Variants in TIMM22 observed in about 807,000 individuals in gnomAD.
The protein encoded by TIMM22 is mitochondrial import inner membrane translocase subunit Tim22.
TIMM22 carries 12 observed loss-of-function variants against 18.3 expected under a neutral mutation model. The observed-to-expected ratio is 0.65, with a 90% CI of 0.42 to 1.06. The LOEUF (loss-of-function observed/expected upper bound fraction) is 1.06, where lower values mean the gene tolerates loss of function less well. TIMM22 is among the 50% of genes least tolerant of loss of function. The probability of loss-of-function intolerance (pLI) is 0.00; values close to 1 mark genes in which losing one functional copy is unlikely to be tolerated. For synonymous variants in TIMM22, 107 were observed against 98.5 expected, an observed-to-expected ratio of 1.09 and a Z score of -0.51; for missense variants, 278 against 252.8, an observed-to-expected ratio of 1.10 and a Z score of -0.68.
In TIMM22 at chr17:1,001,083, C is replaced by T. The variant is rs753514221; in HGVS notation, c.580C>T (p.Arg194Trp). ...AFSAAIDYYL[R>W] is the part of the protein sequence containing the mutation. ...CTCTGCTGCGATTGATTATTACCTCCGGTGAGAGTAATTGCCTGCAGGGAA... is the reference window on the plus strand; with the variant it reads ...CTCTGCTGCGATTGATTATTACCTCTGGTGAGAGTAATTGCCTGCAGGGAA... Residue 194 changes from arginine to tryptophan, a missense_variant, in exon 4 of 4, where the codon CGG (arginine) becomes TGG (tryptophan). By Grantham distance (101) the Arg-to-Trp change is moderately radical. Transcript: ENST00000327158. 52 of 1,613,606 alleles carry T rather than the reference C, an allele frequency of 3.2e-5. No individual in the cohort carries two copies. Among genetic ancestry groups the T allele is most frequent in the African/African-American group, 1.1e-4 (8 of 74,900 alleles).
chr17:997,155 G>GC lies in TIMM22; in HGVS notation c.18dup (p.Asn7GlnfsTer8). ...GGCAGCGACTGTCATGGCGGCGGCC[G>GC]CCCCCAATGCCGGAGGCTCGGCCCC... On this transcript the variant is annotated frameshift_variant, in exon 1 of 4. Transcript: ENST00000327158. LOFTEE classifies it high-confidence loss of function. 1 of 1,608,044 alleles carries GC rather than the reference G, an allele frequency of 6.2e-7. No individual in the cohort carries two copies. The highest frequency in any genetic ancestry group is 2.2e-5 in the East Asian group (1 of 44,752).
In TIMM22 at chr17:1,002,734, C is replaced by G. The variant is rs1040602924; in HGVS notation, c.*1646C>G. On this transcript the variant is annotated 3_prime_UTR_variant, in exon 4 of 4. Coordinates refer to ENST00000327158, the MANE Select transcript of TIMM22 (RefSeq NM_013337.4). ...CTGAAGCAAGGGCAGACATTCCCAC[C>G]TGGTACCTGTCAAAGTCCTAGGATG... The G allele has an allele frequency of 2.0e-5, 3 of 152,288 alleles. No homozygotes were observed. The highest frequency in any genetic ancestry group is 7.2e-5 in the African/African-American group (3 of 41,554). 9.4% of individuals were successfully genotyped at this position (152,288 alleles called of 1,614,324 possible). A position where few individuals can be genotyped will look rare whatever the true frequency, so the allele number is the denominator to read the frequency against.
chr17:999,080 C>G (rs2069713806), intron 2 of TIMM22, 105 bp downstream of exon 2: 3 of 1,244,820 alleles, frequency 2.4e-6, no homozygotes, highest in Admixed American at 4.8e-5. Flanking sequence ...TACTAGAAAG[C>G]AAATCAGAAG....
chr17:1,002,031 C>T lies in TIMM22; in HGVS notation c.*943C>T, dbSNP rs1207823357. On this transcript the variant is annotated 3_prime_UTR_variant, in exon 4 of 4. Coordinates refer to ENST00000327158, the MANE Select transcript of TIMM22 (RefSeq NM_013337.4). ...AGCTACTGGCCAAGATCAGACGTCGCTGAGGGGCTGTTCACCACCATCCTC... is the reference window on the plus strand; with the variant it reads ...AGCTACTGGCCAAGATCAGACGTCGTTGAGGGGCTGTTCACCACCATCCTC... 6.6e-6 allele frequency: 1 copy of T among 152,146 alleles called. No individual in the cohort carries two copies. Among genetic ancestry groups the T allele is most frequent in the African/African-American group, 2.4e-5 (1 of 41,414 alleles). The allele number at this position is 152,146 out of a possible 1,614,324, so 9.4% of individuals were successfully genotyped here.
chr17:999,356 T>TATATATATATATATAC (rs1567539415), intron 2 of TIMM22, among the ~76,000 whole-genome samples, 156 bp from the exon 3 acceptor site: 1 of 113,896 alleles, frequency 8.8e-6, no homozygotes, highest in Non-Finnish European at 1.9e-5. Flanking sequence ...TATATATATA[T>TATATATATATATATAC]ATACACGCTG....
chr17:1,000,958 C>T (rs2069737970), intron 3 of TIMM22, 54 bp from the exon 4 acceptor site: 2 of 1,603,998 alleles, frequency 1.2e-6, no homozygotes, highest in Non-Finnish European at 1.7e-6. Flanking sequence ...CCGTGAGTGC[C>T]TCGTGACCCA....
At chr17:999,628 C>T (rs765608157) in intron 3 of TIMM22, 44 bp downstream of exon 3, 3 of 1,590,884 alleles carry the variant, frequency 1.9e-6, no homozygotes, top group African/African-American at 2.7e-5. Flanking sequence ...TGGCCTTGGA[C>T]AACGTGCTGA....
chr17:998,220 T>G (rs944303920), intron 1 of TIMM22, among the ~76,000 whole-genome samples: 1 of 152,200 alleles, frequency 6.6e-6, no homozygotes, highest in African/African-American at 2.4e-5. Context: ...TGAGAGGGCA[T>G]CCATCTGGAC....
Position 998,675 on chromosome 17 carries a change from C to G in TIMM22, c.239-104C>G, listed in dbSNP as rs2069709338. The G allele has an allele frequency of 3.1e-6, 4 of 1,275,964 alleles. No homozygotes were observed. In the East Asian group the frequency reaches 9.8e-5, roughly 31 times the overall value. 79.0% of individuals were successfully genotyped at this position (1,275,964 alleles called of 1,614,324 possible). On this transcript the variant is annotated intron_variant, in intron 1 of 3. Transcript: ENST00000327158. ...TTGAGTGGCAAGAGGGGGGTGTCCT[C>G]TGCACCGGTGGTCATCCAAAAGCAT...
chr17:1,001,579 G>GT lies in TIMM22; in HGVS notation c.*501dup, dbSNP rs199909189. 223 of 151,548 alleles carry GT rather than the reference G, an allele frequency of 1.5e-3. 2 individuals are homozygous for GT. Among genetic ancestry groups the GT allele is most frequent in the East Asian group, 0.012 (62 of 5,140 alleles). The allele number at this position is 151,548 out of a possible 1,614,324, so 9.4% of individuals were successfully genotyped here. ...ACTTGTTTTGTGTTCTGTCATCCTT[G>GT]TTTTTTTTTTAAAAATACACTCCCC... On this transcript the variant is annotated 3_prime_UTR_variant, in exon 4 of 4. Transcript: ENST00000327158.
At chr17:1,000,974 T>TA (rs1447778565) in intron 3 of TIMM22, 38 bp from the exon 4 acceptor site, 1 of 1,612,132 alleles carries the variant, frequency 6.2e-7, no homozygotes, top group Non-Finnish European at 8.5e-7. Flanking sequence ...ACCCAGCAGC[T>TA]GTCACCACAG....
rs1291519601 is a variant in TIMM22, at chr17:1,002,424, G to A, written c.*1336G>A. 3.3e-5 allele frequency: 5 copies of A among 152,176 alleles called. No individual in the cohort carries two copies. The highest frequency in any genetic ancestry group is 1.3e-4 in the Admixed American group (2 of 15,276). 9.4% of individuals were successfully genotyped at this position (152,176 alleles called of 1,614,324 possible). A position where few individuals can be genotyped will look rare whatever the true frequency, so the allele number is the denominator to read the frequency against. ...TCTGGCCCACACACTCTTAACCAGC[G>A]TTCACACTCAGTGTACATGGCCTGG... On this transcript the variant is annotated 3_prime_UTR_variant, in exon 4 of 4. Coordinates refer to ENST00000327158, the MANE Select transcript of TIMM22 (RefSeq NM_013337.4).
intron 3 of TIMM22, 25 bp downstream of exon 3, chr17:999,609 T>G: frequency 1.2e-6 from 2 of 1,610,228 alleles, no homozygotes; most frequent in Non-Finnish European, 1.7e-6. Flanking sequence ...CTCGAATGCT[T>G]TTTCTTTGTG....
chr17:1,003,158 C>T lies in TIMM22; in HGVS notation c.*2070C>T, dbSNP rs183389220. 2.0e-5 allele frequency: 3 copies of T among 152,174 alleles called. No individual in the cohort carries two copies. The highest frequency in any genetic ancestry group is 7.2e-5 in the African/African-American group (3 of 41,426). 9.4% of individuals were successfully genotyped at this position (152,174 alleles called of 1,614,324 possible). Reference sequence around the variant, plus strand: ...AAAGATATGCCACTTTGAAGGAAAGCGTAGAGAAGCGTTTACATAAAAGAA... The same window carrying T: ...AAAGATATGCCACTTTGAAGGAAAGTGTAGAGAAGCGTTTACATAAAAGAA... On this transcript the variant is annotated 3_prime_UTR_variant, in exon 4 of 4. Coordinates refer to ENST00000327158, the MANE Select transcript of TIMM22 (RefSeq NM_013337.4).
At chr17:997,513 T>A in intron 1 of TIMM22, 133 bp downstream of exon 1, 1 of 864,534 alleles carries the variant, frequency 1.2e-6, no homozygotes, top group Non-Finnish European at 1.8e-6. Flanking sequence ...GCCTCGTTCG[T>A]GAATCGGGCG....
intron 1 of TIMM22, 125 bp downstream of exon 1, chr17:997,505 C>A: frequency 2.2e-6 from 2 of 928,284 alleles, no homozygotes; most frequent in Non-Finnish European, 3.2e-6. Flanking sequence ...ACACCCTCGC[C>A]TCGTTCGTGA....
At position 997,171 on chromosome 17, in the gene TIMM22, G is replaced by A. The variant is rs747829001; in HGVS notation, c.29G>A (p.Gly10Asp). MAAAAPNAG[G>D]SAPETAGSAE... ...GCGGCGGCCGCCCCCAATGCCGGAGGCTCGGCCCCTGAGACAGCGGGTTCC... is the reference window on the plus strand; with the variant it reads ...GCGGCGGCCGCCCCCAATGCCGGAGACTCGGCCCCTGAGACAGCGGGTTCC... The change falls in exon 1 of 4, where the codon GGC (glycine) becomes GAC (aspartate). Residue 10 changes from glycine to aspartate, a missense_variant. Physicochemically the swap from Gly to Asp is moderately conservative, Grantham distance 94 (BLOSUM62 -1). Transcript: ENST00000327158. The A allele has an allele frequency of 6.2e-7, 1 of 1,610,640 alleles. No individual in the cohort carries two copies. The highest frequency in any genetic ancestry group is 1.1e-5 in the South Asian group (1 of 90,972).
In TIMM22 at chr17:1,002,990, T is replaced by C. The variant is rs796203180; in HGVS notation, c.*1902T>C. 6 of 152,122 alleles carry C rather than the reference T, an allele frequency of 3.9e-5. No individual in the cohort carries two copies. In the East Asian group the frequency reaches 9.6e-4, roughly 24 times the overall value. 9.4% of individuals were successfully genotyped at this position (152,122 alleles called of 1,614,324 possible). On this transcript the variant is annotated 3_prime_UTR_variant, in exon 4 of 4. Coordinates refer to ENST00000327158, the MANE Select transcript of TIMM22 (RefSeq NM_013337.4). ...AAACAGCAATTTTCAGAGACATCTG[T>C]TCCTGATCTTCAGAATAAACTCAGT...
At position 1,002,359 on chromosome 17, in the gene TIMM22, A is replaced by G. The variant is rs2069769001; in HGVS notation, c.*1271A>G. On this transcript the variant is annotated 3_prime_UTR_variant, in exon 4 of 4. Coordinates refer to ENST00000327158, the MANE Select transcript of TIMM22 (RefSeq NM_013337.4). ...TTTCCTATAATACGGTAATTCCTCT[A>G]TCCTTTCCTTTTTTGCCTTCTTCCT... 2 of 151,998 alleles carry G rather than the reference A, an allele frequency of 1.3e-5. No individual in the cohort carries two copies. The highest frequency in any genetic ancestry group is 4.1e-4 in the South Asian group (2 of 4,824). The allele number at this position is 151,998 out of a possible 1,614,324, so 9.4% of individuals were successfully genotyped here. A position where few individuals can be genotyped will look rare whatever the true frequency, so the allele number is the denominator to read the frequency against.
Sources: allele counts gnomAD v4.1 joint callset (sites outside exome capture counted in the v4.1 genomes callset), GRCh38; gene constraint gnomAD v4.1.1; transcripts MANE v1.5; gene names NCBI Gene and HGNC (gene_info 2026-07-23, HGNC 2026-07-21).